Variants in NCAM2 observed in about 807,000 individuals in gnomAD.
The protein encoded by NCAM2 is neural cell adhesion molecule 2.
Under a neutral mutation model 98.1 loss-of-function variants are expected in NCAM2, and 30 were observed. The observed-to-expected ratio is 0.31, with a 90% CI of 0.23 to 0.41. The LOEUF is 0.41. Ranked by LOEUF, NCAM2 falls within the 10% of genes least tolerant of loss-of-function variation. NCAM2 has a pLI of 1.00. For missense variants in NCAM2, 867 were observed against 1,005.8 expected (o/e 0.86, Z 1.87); for synonymous variants, 368 against 342.4 (o/e 1.07, Z -0.83).
chr21:21,293,127 A>G (rs1247585647), intron 5 of NCAM2, among the ~76,000 whole-genome samples: 1 of 151,910 alleles, frequency 6.6e-6, no homozygotes, highest in Admixed American at 6.6e-5. Flanking sequence ...TTAATACAAC[A>G]TGGGATGAAA....
intron 1 of NCAM2, among the ~76,000 whole-genome samples, chr21:21,066,640 T>C (rs943277478): frequency 5.3e-5 from 8 of 152,138 alleles, no homozygotes; most frequent in African/African-American, 1.7e-4. Flanking sequence ...TTTCCAATGA[T>C]GTATTTTAGG....
At chr21:21,301,588 A>G (rs1233145975) in intron 5 of NCAM2, among the ~76,000 whole-genome samples, 1 of 105,718 alleles carries the variant, frequency 9.5e-6, no homozygotes, top group African/African-American at 3.9e-5. Flanking sequence ...TCCTGTGTCC[A>G]TGTGATCTCA....
chr21:21,350,472 GA>G (rs146747521), intron 8 of NCAM2, among the ~76,000 whole-genome samples: 3,099 of 152,096 alleles, frequency 0.02, 86 homozygotes, highest in African/African-American at 0.071. Flanking sequence ...ATGCTACTGG[GA>G]AAAAAATTAT....
intron 13 of NCAM2, 138 bp downstream of exon 13, chr21:21,466,863 A>G: frequency 1.1e-6 from 1 of 921,368 alleles, no homozygotes. Flanking sequence ...TTCTGAAGAC[A>G]GTGACATCTG....
chr21:21,126,949 T>TA (rs1173468040), intron 1 of NCAM2, among the ~76,000 whole-genome samples: 1 of 151,934 alleles, frequency 6.6e-6, no homozygotes, highest in African/African-American at 2.4e-5. Context: ...AGGTAGAAGT[T>TA]AAAAAAACTG....
At chr21:21,012,481 T>A (rs907818969) in intron 1 of NCAM2, among the ~76,000 whole-genome samples, 3 of 152,136 alleles carry the variant, frequency 2.0e-5, no homozygotes, top group African/African-American at 7.2e-5. Flanking sequence ...TCAAAATGGC[T>A]TAAAAATAAT....
At chr21:21,139,552 C>T (rs1042465670) in intron 1 of NCAM2, among the ~76,000 whole-genome samples, 1 of 152,160 alleles carries the variant, frequency 6.6e-6, no homozygotes, top group Non-Finnish European at 1.5e-5. Context: ...CCAGGAAAAA[C>T]ATCTAATTGT....
chr21:21,359,086 G>T (rs977397383), intron 8 of NCAM2, among the ~76,000 whole-genome samples: 4 of 151,966 alleles, frequency 2.6e-5, no homozygotes, highest in Non-Finnish European at 5.9e-5. Flanking sequence ...GGCACCTGTA[G>T]ATTTTCACGC....
chr21:21,076,008 T>C (rs1241314269), intron 1 of NCAM2, among the ~76,000 whole-genome samples: 1 of 151,186 alleles, frequency 6.6e-6, no homozygotes, highest in Non-Finnish European at 1.5e-5. Context: ...TCCCAGCCAC[T>C]CAGAAGGCTG....
intron 1 of NCAM2, among the ~76,000 whole-genome samples, chr21:21,193,614 G>C (rs1488820134): frequency 6.7e-6 from 1 of 149,444 alleles, no homozygotes; most frequent in East Asian, 2.0e-4. Context: ...TCCTGCCTCA[G>C]CCTCCCGAGT....
intron 12 of NCAM2, among the ~76,000 whole-genome samples, chr21:21,438,684 G>A (rs950091959): frequency 2.0e-5 from 3 of 151,936 alleles, no homozygotes; most frequent in African/African-American, 7.3e-5. Context: ...ATATTTTGTG[G>A]GTTTCATACA....
chr21:21,141,654 A>C (rs1463737168), intron 1 of NCAM2, among the ~76,000 whole-genome samples: 1 of 152,124 alleles, frequency 6.6e-6, no homozygotes, highest in East Asian at 1.9e-4. Context: ...TCGTGCTCAA[A>C]TTTTCTCCTC....
chr21:21,277,658 G>A (rs1369588820), intron 1 of NCAM2, among the ~76,000 whole-genome samples: 1 of 152,016 alleles, frequency 6.6e-6, no homozygotes, highest in Non-Finnish European at 1.5e-5. Flanking sequence ...ACTTGGAAAG[G>A]CAAGTTTCCT....
intron 10 of NCAM2, among the ~76,000 whole-genome samples, chr21:21,417,977 T>C (rs1332474271): frequency 6.6e-6 from 1 of 152,082 alleles, no homozygotes; most frequent in Non-Finnish European, 1.5e-5. Flanking sequence ...CTGGAGACTT[T>C]GTTGAACATT....
intron 1 of NCAM2, among the ~76,000 whole-genome samples, chr21:21,017,978 G>C (rs1231767830): frequency 6.6e-6 from 1 of 151,980 alleles, no homozygotes; most frequent in East Asian, 1.9e-4. Context: ...CTATCAAAAT[G>C]TTTGCTTTAT....
chr21:21,181,759 T>C (rs945382790), intron 1 of NCAM2, among the ~76,000 whole-genome samples: 6 of 152,184 alleles, frequency 3.9e-5, no homozygotes, highest in African/African-American at 1.4e-4. Flanking sequence ...CTTCAATGTT[T>C]CTTATCCTCT....
At chr21:21,377,694 T>C (rs899180102) in intron 9 of NCAM2, among the ~76,000 whole-genome samples, 8 of 151,946 alleles carry the variant, frequency 5.3e-5, no homozygotes, top group African/African-American at 1.9e-4. Flanking sequence ...TTTTTTATGG[T>C]GAGACATTTA....
At chr21:21,414,019 G>A (rs2076937877) in intron 10 of NCAM2, among the ~76,000 whole-genome samples, 3 of 152,198 alleles carry the variant, frequency 2.0e-5, no homozygotes, top group African/African-American at 4.8e-5. Flanking sequence ...CTAAGTTTAT[G>A]TAATATTCTA....
intron 1 of NCAM2, among the ~76,000 whole-genome samples, chr21:21,228,135 G>T (rs1386616604): frequency 6.6e-6 from 1 of 151,436 alleles, no homozygotes; most frequent in Non-Finnish European, 1.5e-5. Flanking sequence ...AGTCAACAGA[G>T]AATTTATAGA....
Sources: allele counts gnomAD v4.1 joint callset (sites outside exome capture counted in the v4.1 genomes callset), GRCh38; gene constraint gnomAD v4.1.1; transcripts MANE v1.5; gene names NCBI Gene and HGNC (gene_info 2026-07-23, HGNC 2026-07-21).